CTSC: variants seen among roughly 807,000 people sequenced by gnomAD.
CTSC encodes cathepsin C, also known as dipeptidyl peptidase 1.
A neutral mutation model predicts 40.9 loss-of-function variants in CTSC; 37 were observed. The ratio of observed to expected loss-of-function variants is 0.91; its 90% CI spans 0.70 to 1.19. CTSC has a LOEUF of 1.19. CTSC is among the 50% of genes most tolerant of loss of function. CTSC has a pLI of 0.00. For synonymous variants in CTSC, 232 were observed against 207.4 expected, an observed-to-expected ratio of 1.12 and a Z score of -1.02; for missense variants, 594 against 567.3, an observed-to-expected ratio of 1.05 and a Z score of -0.48.
At chr11:88,337,167 C>G (rs1451615) in intron 1 of CTSC, among the ~76,000 whole-genome samples, 2 of 152,108 alleles carry the variant, frequency 1.3e-5, no homozygotes, top group African/African-American at 2.4e-5. Flanking sequence ...TTAAAAATAA[C>G]GCTACCAGAT....
At chr11:88,320,917 T>C (rs1412310256) in intron 2 of CTSC, 12 of 948,932 alleles carry the variant, frequency 1.3e-5, no homozygotes, top group Middle Eastern at 5.4e-4. Flanking sequence ...ATGGAGTTGA[T>C]CCTTGCCCTA....
chr11:88,322,405 G>T (rs536332322), intron 2 of CTSC: 1 of 151,930 alleles, frequency 6.6e-6, no homozygotes, highest in African/African-American at 2.4e-5. Flanking sequence ...TTAATCCATC[G>T]TAAGTTGATT....
chr11:88,319,537 G>T (rs1937950319), intron 2 of CTSC, among the ~76,000 whole-genome samples: 1 of 152,046 alleles, frequency 6.6e-6, no homozygotes, highest in South Asian at 2.1e-4. Context: ...TTACAGTCAT[G>T]AAAATTATCA....
chr11:88,321,348 T>G (rs1438267303), intron 2 of CTSC: 1 of 152,160 alleles, frequency 6.6e-6, no homozygotes, highest in Non-Finnish European at 1.5e-5. Flanking sequence ...TCCACATGCT[T>G]AGCATTCCAG....
intron 5 of CTSC, chr11:88,298,893 A>C (rs546696333): frequency 6.6e-6 from 1 of 152,298 alleles, no homozygotes; most frequent in South Asian, 2.1e-4. Flanking sequence ...ATCTCATATA[A>C]CTTGTCAATC....
At position 88,296,178 on chromosome 11, in the gene CTSC, T is replaced by C. The variant is rs142364727; in HGVS notation, c.844A>G (p.Ile282Val). ...GACACAACCTCCTGAGGGCTTAGGA[T>C]TGGGGTCTGAGAATTGTTGGTTAGT... ...RILTNNSQTPILSPQEVVSCS... is the reference protein window; with the variant it reads ...RILTNNSQTPVLSPQEVVSCS... Residue 282 changes from isoleucine (I) to valine (V), a missense_variant, in exon 6 of 7, where the codon ATC (isoleucine) becomes GTC (valine). Coordinates refer to ENST00000227266, the MANE Select transcript of CTSC (RefSeq NM_001814.6). 16 of 1,613,814 alleles carry C rather than the reference T, an allele frequency of 9.9e-6. No individual in the cohort carries two copies. The highest frequency in any genetic ancestry group is 2.7e-5 in the African/African-American group (2 of 74,844).
At chr11:88,316,010 TA>T (rs200573848) in intron 2 of CTSC, among the ~76,000 whole-genome samples, 169 of 142,874 alleles carry the variant, frequency 1.2e-3, no homozygotes, top group Admixed American at 1.4e-3. Context: ...TTGTATTCTC[TA>T]AAAAAAAAAA....
In CTSC at chr11:88,293,709, C is replaced by A. The variant is rs946888035; in HGVS notation, c.*297G>T. ...ATTTAAAAATAAGTCTATGTTTTCACATTGATTTTAAAAAATATAGCATGT... is the reference window on the plus strand; with the variant it reads ...ATTTAAAAATAAGTCTATGTTTTCAAATTGATTTTAAAAAATATAGCATGT... On this transcript the variant is annotated 3_prime_UTR_variant, in exon 7 of 7. Transcript: ENST00000227266. 8.0e-6 allele frequency: 3 copies of A among 372,942 alleles called. No homozygotes were observed. The highest frequency in any genetic ancestry group is 1.5e-5 in the Non-Finnish European group (3 of 203,018). The allele number at this position is 372,942 out of a possible 1,614,324, so 23.1% of individuals were successfully genotyped here. A position where few individuals can be genotyped will look rare whatever the true frequency, so the allele number is the denominator to read the frequency against.
chr11:88,298,725 C>G (rs1435457666), intron 5 of CTSC: 1 of 152,106 alleles, frequency 6.6e-6, no homozygotes, highest in Non-Finnish European at 1.5e-5. Context: ...CCATCAAAGC[C>G]CTCTGTTTTG....
intron 2 of CTSC, chr11:88,325,017 G>T: frequency 1.0e-6 from 1 of 985,138 alleles, no homozygotes; most frequent in Non-Finnish European, 1.2e-6. Context: ...AAGCAGAAAT[G>T]CAAGAGAGGA....
intron 2 of CTSC, among the ~76,000 whole-genome samples, chr11:88,315,881 G>A (rs1279194570): frequency 1.3e-5 from 2 of 152,162 alleles, no homozygotes; most frequent in Admixed American, 1.3e-4. Context: ...TGAGCCTCAC[G>A]ATAATCTCTT....
chr11:88,309,812 GCGCACACA>G lies in CTSC; in HGVS notation c.486-502_486-495del, dbSNP rs1377365512. On this transcript the variant is annotated intron_variant, in intron 3 of 6. Transcript: ENST00000227266. Reference sequence around the variant, plus strand: ...ATAATACATACATATATATGTATGCGCGCACACACACACACACACACACACACACACAC... The same window carrying G: ...ATAATACATACATATATATGTATGCGCACACACACACACACACACACACAC... Among the ~76,000 whole-genome samples the G allele has an allele frequency of 3.9e-3, 417 of 108,058 alleles. 2 individuals are homozygous for G. Among genetic ancestry groups the G allele is most frequent in the Non-Finnish European group, 5.0e-3 (222 of 44,488 alleles). The allele number at this position is 108,058 out of a possible 152,430, so 70.9% of individuals were successfully genotyped here. A position where few individuals can be genotyped will look rare whatever the true frequency, so the allele number is the denominator to read the frequency against.
intron 5 of CTSC, 56 bp from the exon 6 acceptor site, chr11:88,296,320 T>C (rs534329158): frequency 1.9e-6 from 3 of 1,608,412 alleles, no homozygotes; most frequent in Non-Finnish European, 2.5e-6. Context: ...TCACAGAGAA[T>C]CATGCAAAAA....
chr11:88,320,771 A>T, intron 2 of CTSC: 1 of 953,178 alleles, frequency 1.0e-6, no homozygotes, highest in Non-Finnish European at 1.2e-6. Context: ...ACACAAAGGT[A>T]ACACTTCAAA....
intron 2 of CTSC, chr11:88,326,120 C>A: frequency 7.7e-7 from 1 of 1,295,156 alleles, no homozygotes. Context: ...AAAAACTGAA[C>A]GGTGAAGCCA....
rs571953841 is a variant in CTSC at position 88,300,686 on chromosome 11, T to A, written c.642-41A>T. ...ACATTTGATATCAACATATAATCTT[T>A]CCTTTGAGGATGATTTCCTAAACTC... On this transcript the variant is annotated intron_variant, in intron 4 of 6. Transcript: ENST00000227266. 8 of 1,205,552 alleles carry A rather than the reference T, an allele frequency of 6.6e-6. No individual in the cohort carries two copies. In the African/African-American group the frequency reaches 1.2e-4, roughly 18 times the overall value. The allele number at this position is 1,205,552 out of a possible 1,614,324, so 74.7% of individuals were successfully genotyped here.
At chr11:88,297,638 C>T (rs1030804426) in intron 5 of CTSC, 3 of 152,184 alleles carry the variant, frequency 2.0e-5, no homozygotes, top group African/African-American at 7.2e-5. Context: ...GAGGCACAGG[C>T]TGCAAGTGCA....
chr11:88,308,161 T>G (rs1378778406), intron 4 of CTSC, among the ~76,000 whole-genome samples: 1 of 152,188 alleles, frequency 6.6e-6, no homozygotes, highest in Non-Finnish European at 1.5e-5. Flanking sequence ...CATCTTGCCT[T>G]CCACTTAAAT....
At chr11:88,318,894 G>A (rs1239878835) in intron 2 of CTSC, among the ~76,000 whole-genome samples, 1 of 151,844 alleles carries the variant, frequency 6.6e-6, no homozygotes, top group African/African-American at 2.4e-5. Flanking sequence ...GGCAAAAAGA[G>A]GGAAACACCG....
Sources: gnomAD v4.1 joint callset for allele counts (sites outside exome capture counted in the v4.1 genomes callset) on GRCh38, gnomAD v4.1.1 for gene constraint, MANE v1.5 for transcripts, NCBI Gene and HGNC (gene_info 2026-07-23, HGNC 2026-07-21) for gene names.